The following NPTN variants were observed in gnomAD, a reference collection of about 807,000 sequenced individuals.
NPTN encodes the protein SDR-1.
Under a neutral mutation model 42.7 loss-of-function variants are expected in NPTN, and 5 were observed. That is an observed-to-expected ratio of 0.12 (90% CI 0.06 to 0.25). NPTN has a LOEUF of 0.25. Among genes scored for constraint, NPTN ranks in the 10% least tolerant of loss-of-function variants. The pLI, the probability that NPTN is intolerant of heterozygous loss-of-function variation, is 1.00. For synonymous variants in NPTN, 180 were observed against 201.9 expected (o/e 0.89, Z 0.92); for missense variants, 307 against 525.4 (o/e 0.58, Z 4.06).
At chr15:73,601,864 G>A (rs531882270) in intron 1 of NPTN, among the ~76,000 whole-genome samples, 1 of 152,320 alleles carries the variant, frequency 6.6e-6, no homozygotes, top group South Asian at 2.1e-4. Context: ...GGAGGGGGTA[G>A]CAGGCAGAGC....
At chr15:73,595,902 G>A (rs1045183428) in intron 2 of NPTN, among the ~76,000 whole-genome samples, 12 of 152,156 alleles carry the variant, frequency 7.9e-5, no homozygotes, top group Middle Eastern at 3.2e-3. Flanking sequence ...TATGTCTCAC[G>A]CATACCTGCT....
chr15:73,593,803 C>T (rs896936996), intron 2 of NPTN, among the ~76,000 whole-genome samples: 1 of 152,182 alleles, frequency 6.6e-6, no homozygotes, highest in East Asian at 1.9e-4. Context: ...TGGTCCTTAT[C>T]AGTAACATCA....
chr15:73,570,432 AAGT>A lies in NPTN; in HGVS notation c.841-12_841-10del. ...GAGGTATTGACAATGTCCTGCAAAA[AAGT>A]GAGAATACACAAAGGTGAGAGTGAG... On this transcript the variant is annotated splice_polypyrimidine_tract_variant and intron_variant, in intron 5 of 8. Coordinates refer to ENST00000345330, the MANE Select transcript of NPTN (RefSeq NM_012428.4). This position sits in a 1 kb window ranked among gnomAD's most constrained non-coding sequence, Gnocchi z 4.0. The A allele has an allele frequency of 6.2e-7, 1 of 1,607,432 alleles. No homozygotes were observed. The highest frequency in any genetic ancestry group is 1.1e-5 in the South Asian group (1 of 90,782).
At position 73,570,300 on chromosome 15, in the gene NPTN, T is replaced by A. The variant is rs1895295162; in HGVS notation, c.964A>T (p.Ile322Phe). 3 of 1,614,222 alleles carry A rather than the reference T, an allele frequency of 1.9e-6. No homozygotes were observed. Among genetic ancestry groups the A allele is most frequent in the Non-Finnish European group, 2.5e-6 (3 of 1,180,034 alleles). The change falls in exon 6 of 9, where the codon ATT becomes TTT. Residue 322 changes from isoleucine to phenylalanine, a missense_variant. This residue lies in a region of NPTN where 264 missense variants were observed against 491.1 expected (regional missense o/e 0.54). Transcript: ENST00000345330. The surrounding 1 kb of genome is among the most constrained non-coding windows in gnomAD (Gnocchi z 4.0). ...GEYECNATNAIGSASVVTVLR... is the reference protein window; with the variant it reads ...GEYECNATNAFGSASVVTVLR... ...ACAGTGACAACAGAGGCGGAGCCAA[T>A]GGCGTTGGTGGCATTACATTCATAC...
intron 1 of NPTN, among the ~76,000 whole-genome samples, chr15:73,605,597 G>A (rs937982509): frequency 1.3e-5 from 2 of 151,778 alleles, no homozygotes; most frequent in Admixed American, 6.6e-5. Context: ...GCATGGTGGC[G>A]CATGCCTGTA....
At chr15:73,604,051 C>T (rs1300100032) in intron 1 of NPTN, among the ~76,000 whole-genome samples, 1 of 152,094 alleles carries the variant, frequency 6.6e-6, no homozygotes, top group African/African-American at 2.4e-5. Context: ...GGATCTCCCT[C>T]AACAAAAACT....
intron 1 of NPTN, among the ~76,000 whole-genome samples, chr15:73,611,924 C>T (rs974564673): frequency 6.6e-6 from 1 of 151,958 alleles, no homozygotes; most frequent in Non-Finnish European, 1.5e-5. Context: ...AAAATGCAGT[C>T]GATTTTTTTA....
chr15:73,564,801 A>G (rs372897186), intron 6 of NPTN, among the ~76,000 whole-genome samples: 20 of 152,354 alleles, frequency 1.3e-4, no homozygotes, highest in Non-Finnish European at 2.4e-4. Flanking sequence ...ATGAAAAGAC[A>G]TAGGAGCAAA....
chr15:73,615,714 A>C lies in NPTN; in HGVS notation c.91+17411T>G, dbSNP rs901909601. Among the ~76,000 whole-genome samples the C allele has an allele frequency of 2.6e-5, 4 of 152,192 alleles. No homozygotes were observed. The East Asian group carries it at 7.7e-4, about 29-fold the overall frequency. ...AAGTCTATGTGGGCCTATGAGTTTAAAAGGCATTTGGCATTACTAACAAAG... is the reference window on the plus strand; with the variant it reads ...AAGTCTATGTGGGCCTATGAGTTTACAAGGCATTTGGCATTACTAACAAAG... On this transcript the variant is annotated intron_variant, in intron 1 of 8. Transcript: ENST00000345330.
At chr15:73,578,561 T>C (rs543280209) in intron 4 of NPTN, among the ~76,000 whole-genome samples, 31 of 152,278 alleles carry the variant, frequency 2.0e-4, no homozygotes, top group African/African-American at 1.7e-4. Context: ...ATGAGGAAAA[T>C]TGCAAAAGAA....
chr15:73,578,036 GTC>G (rs1186447361), intron 4 of NPTN, among the ~76,000 whole-genome samples: 2 of 152,148 alleles, frequency 1.3e-5, no homozygotes, highest in African/African-American at 4.8e-5. Flanking sequence ...AAATGCAAAG[GTC>G]TTGAGGTAGG....
At chr15:73,563,130 C>T (rs1194951683) in intron 7 of NPTN, 106 bp downstream of exon 7, 22 of 812,938 alleles carry the variant, frequency 2.7e-5, no homozygotes, top group Non-Finnish European at 4.6e-5. Context: ...CCTTCATTTC[C>T]ACTCACTGTC....
At chr15:73,621,037 G>A (rs1898116191) in intron 1 of NPTN, among the ~76,000 whole-genome samples, 1 of 152,078 alleles carries the variant, frequency 6.6e-6, no homozygotes, top group African/African-American at 2.4e-5. Flanking sequence ...AAACATCTAT[G>A]AATTTTATTT....
chr15:73,584,867 G>C (rs1896240733), intron 4 of NPTN, among the ~76,000 whole-genome samples: 1 of 151,120 alleles, frequency 6.6e-6, no homozygotes, highest in Admixed American at 6.6e-5. Flanking sequence ...TTCCTTTCTT[G>C]ACGGTGATCT....
intron 1 of NPTN, among the ~76,000 whole-genome samples, chr15:73,600,189 T>C (rs1897019316): frequency 6.6e-6 from 1 of 152,218 alleles, no homozygotes; most frequent in Non-Finnish European, 1.5e-5. Flanking sequence ...CTGATCTGAG[T>C]CAGTTCAATT....
intron 6 of NPTN, chr15:73,568,344 G>A (rs1172928532): frequency 3.0e-6 from 3 of 985,328 alleles, no homozygotes; most frequent in Non-Finnish European, 3.6e-6. Flanking sequence ...GTCCATCTCT[G>A]CCTTCTCTTA....
chr15:73,560,131 G>A lies in NPTN; in HGVS notation c.*932C>T. The stretch of plus-strand genomic sequence containing the variant: ...ATGCATCTACAATTACGCACCGCAT[G>A]AGAACCGTTAGGTTATAAAATCTAT... On this transcript the variant is annotated 3_prime_UTR_variant, in exon 9 of 9. Transcript: ENST00000345330. The A allele has an allele frequency of 2.4e-6, 1 of 420,700 alleles. No homozygotes were observed. The highest frequency in any genetic ancestry group is 4.1e-6 in the Non-Finnish European group (1 of 241,698). 26.1% of individuals were successfully genotyped at this position (420,700 alleles called of 1,614,324 possible).
At chr15:73,624,390 T>A (rs1309367912) in intron 1 of NPTN, among the ~76,000 whole-genome samples, 2 of 152,226 alleles carry the variant, frequency 1.3e-5, no homozygotes, top group African/African-American at 2.4e-5. Context: ...GATTCAGCAT[T>A]AATGAATATA....
At chr15:73,568,657 A>G (rs1049264907) in intron 6 of NPTN, 1 of 985,488 alleles carries the variant, frequency 1.0e-6, no homozygotes, top group Non-Finnish European at 1.2e-6. Context: ...ATAAAGTAGG[A>G]AAGTAAAACT....
Sources: allele counts gnomAD v4.1 joint callset (sites outside exome capture counted in the v4.1 genomes callset), GRCh38; gene constraint gnomAD v4.1.1; regional missense constraint gnomAD v4.1.1; non-coding constraint Gnocchi (gnomAD v3.1); transcripts MANE v1.5; gene names NCBI Gene and HGNC (gene_info 2026-07-23, HGNC 2026-07-21).